The following DOCK1 variants were observed in gnomAD, a reference collection of about 807,000 sequenced individuals.
The protein encoded by DOCK1 is dedicator of cytokinesis protein 1.
DOCK1 carries 138 observed loss-of-function variants against 262.7 expected under a neutral mutation model. The observed-to-expected ratio is 0.53, with a 90% CI of 0.46 to 0.61. The LOEUF (loss-of-function observed/expected upper bound fraction) is 0.61. Among genes scored for constraint, DOCK1 ranks in the 20% least tolerant of loss-of-function variants. DOCK1 has a pLI of 0.00. For missense variants in DOCK1, 1,908 were observed against 2,370.7 expected (o/e 0.80, Z 4.05); for synonymous variants, 866 against 867.4 (o/e 1.00, Z 0.03).
intron 29 of DOCK1, among the ~76,000 whole-genome samples, chr10:127,325,403 CAATGTGAGCTTAT>C (rs2062710182): frequency 6.6e-6 from 1 of 152,148 alleles, no homozygotes; most frequent in Non-Finnish European, 1.5e-5. Context: ...GCACTCTATG[CAATGTGAGCTTAT>C]TTAATGGTTA....
At chr10:127,339,997 C>T (rs1191063545) in intron 30 of DOCK1, among the ~76,000 whole-genome samples, 3 of 152,136 alleles carry the variant, frequency 2.0e-5, no homozygotes, top group African/African-American at 7.2e-5. Context: ...GGTGATCCAA[C>T]CCCAAAATAA....
At chr10:126,959,724 T>G (rs896476472) in intron 1 of DOCK1, among the ~76,000 whole-genome samples, 249 of 152,342 alleles carry the variant, frequency 1.6e-3, no homozygotes, top group African/African-American at 5.8e-3. Flanking sequence ...GTGCTTTGTT[T>G]CTGGACATAG....
intron 1 of DOCK1, 47 bp from the exon 2 acceptor site, chr10:126,970,655 C>G (rs1351793444): frequency 2.0e-6 from 3 of 1,487,600 alleles, no homozygotes; most frequent in Non-Finnish European, 2.8e-6. Flanking sequence ...AGCATGGTCA[C>G]TTCTATCTTT....
chr10:127,011,703 A>G (rs1306013971), intron 11 of DOCK1, among the ~76,000 whole-genome samples: 2 of 149,948 alleles, frequency 1.3e-5, no homozygotes, highest in Admixed American at 6.7e-5. Context: ...TTCTTCTCAC[A>G]TGTAGTCACT....
intron 30 of DOCK1, among the ~76,000 whole-genome samples, chr10:127,339,475 A>G (rs918507027): frequency 3.9e-5 from 6 of 151,994 alleles, no homozygotes; most frequent in African/African-American, 1.4e-4. Flanking sequence ...TTGCTTTTAT[A>G]ACTCTGTGTT....
At chr10:127,251,464 C>T (rs61872142) in intron 28 of DOCK1, among the ~76,000 whole-genome samples, 49,904 of 150,532 alleles carry the variant, frequency 0.33, 9,552 homozygotes, top group South Asian at 0.57. Context: ...ATGTGCCATG[C>T]TGGTGTGCTG....
chr10:127,093,132 T>A lies in DOCK1; in HGVS notation c.2446-13099T>A, dbSNP rs536308813. Among the ~76,000 whole-genome samples the A allele has an allele frequency of 2.6e-5, 4 of 152,118 alleles. No homozygotes were observed. The South Asian group carries it at 8.3e-4, about 32-fold the overall frequency. On this transcript the variant is annotated intron_variant, in intron 23 of 51. Coordinates refer to ENST00000623213, the MANE Select transcript of DOCK1 (RefSeq NM_001290223.2). ...CGATGTGCTGTGGTTTGTGGCTACA[T>A]CATGCTCGTGTCTGCCTCTGCCTTC... is the stretch of plus-strand genomic sequence containing the variant.
At position 127,323,617 on chromosome 10, in the gene DOCK1, A is replaced by G. The variant is rs1431431828; in HGVS notation, c.3045-15389A>G. On this transcript the variant is annotated intron_variant, in intron 29 of 51. Transcript: ENST00000623213. ...GCTTCCCCAGACCACATGGCCACTGATCCGTGGGGTGCACAGAAGGACAGG... is the reference window on the plus strand; with the variant it reads ...GCTTCCCCAGACCACATGGCCACTGGTCCGTGGGGTGCACAGAAGGACAGG... 2.0e-5 allele frequency among the ~76,000 whole-genome samples: 3 copies of G among 152,266 alleles called. No homozygotes were observed. The East Asian group carries it at 5.8e-4, about 29-fold the overall frequency.
chr10:127,351,449 G>A (rs751888484), intron 31 of DOCK1, among the ~76,000 whole-genome samples: 1 of 152,190 alleles, frequency 6.6e-6, no homozygotes, highest in Admixed American at 6.5e-5. Flanking sequence ...AAGATGTGAC[G>A]CTGTGTCGTG....
At chr10:127,003,675 G>A (rs1339019528) in intron 10 of DOCK1, among the ~76,000 whole-genome samples, 1 of 152,194 alleles carries the variant, frequency 6.6e-6, no homozygotes, top group Non-Finnish European at 1.5e-5. Context: ...TTATAAGTAA[G>A]AAACTGGCTG....
At chr10:126,932,697 G>A (rs1201712060) in intron 1 of DOCK1, among the ~76,000 whole-genome samples, 1 of 152,234 alleles carries the variant, frequency 6.6e-6, no homozygotes, top group Non-Finnish European at 1.5e-5. Context: ...GTGGACCGTC[G>A]CTGAAGTACC....
chr10:127,435,889 C>T (rs909739663), intron 48 of DOCK1, among the ~76,000 whole-genome samples: 3 of 152,190 alleles, frequency 2.0e-5, no homozygotes, highest in African/African-American at 7.2e-5. Flanking sequence ...TAGGCAGTTG[C>T]TTCTCGTAAT....
chr10:127,175,725 A>C lies in DOCK1; in HGVS notation c.2847+47961A>C. The C allele has an allele frequency of 6.2e-7, 1 of 1,614,000 alleles. No individual in the cohort carries two copies. The highest frequency in any genetic ancestry group is 8.5e-7 in the Non-Finnish European group (1 of 1,179,996). Reference sequence around the variant, plus strand: ...CCGGTCCTGCTTGGCCCTCCCGAGCAGCTGGTAATCGGGCTCTTCGGATGG... The same window carrying C: ...CCGGTCCTGCTTGGCCCTCCCGAGCCGCTGGTAATCGGGCTCTTCGGATGG... On this transcript the variant is annotated intron_variant, in intron 27 of 51. Coordinates refer to ENST00000623213, the MANE Select transcript of DOCK1 (RefSeq NM_001290223.2). This position sits in a 1 kb window ranked among gnomAD's most constrained non-coding sequence, Gnocchi z 6.3.
intron 33 of DOCK1, among the ~76,000 whole-genome samples, chr10:127,365,773 C>A (rs1279468844): frequency 5.3e-5 from 8 of 152,120 alleles, no homozygotes; most frequent in African/African-American, 1.9e-4. Context: ...AAAAATCTTA[C>A]AACAATCTTC....
chr10:127,143,381 C>T (rs987744577), intron 27 of DOCK1, among the ~76,000 whole-genome samples: 15 of 152,252 alleles, frequency 9.9e-5, no homozygotes, highest in Non-Finnish European at 1.6e-4. Flanking sequence ...TCAGAGTCTT[C>T]CCCAGTGCTA....
rs1449194654 is a variant in DOCK1 at position 127,385,972 on chromosome 10, G to A, written c.3927+1063G>A. On this transcript the variant is annotated intron_variant, in intron 38 of 51. Transcript: ENST00000623213. ...TCCAAATACCCTGTTTCCAAATAAG[G>A]TCAGATTCAGAAATATCAGGGGTTA... Among the ~76,000 whole-genome samples the A allele has an allele frequency of 1.3e-4, 20 of 152,258 alleles. 1 individual carries two copies.
intron 29 of DOCK1, among the ~76,000 whole-genome samples, chr10:127,270,429 A>G (rs532838572): frequency 6.6e-6 from 1 of 152,034 alleles, no homozygotes; most frequent in East Asian, 1.9e-4. Context: ...ACAATTTCAC[A>G]TTCTTCCCAT....
intron 27 of DOCK1, among the ~76,000 whole-genome samples, chr10:127,216,311 A>T (rs928520210): frequency 0.025 from 7 of 282 alleles, no homozygotes; most frequent in Non-Finnish European, 0.038. Flanking sequence ...TAATTTAGTA[A>T]AAAAAAAAAA....
At chr10:127,328,804 T>A (rs1257227175) in intron 29 of DOCK1, among the ~76,000 whole-genome samples, 1 of 152,120 alleles carries the variant, frequency 6.6e-6, no homozygotes, top group Non-Finnish European at 1.5e-5. Flanking sequence ...TTTTGATTTA[T>A]TTTTTAATCA....
Sources: gnomAD v4.1 joint callset for allele counts (sites outside exome capture counted in the v4.1 genomes callset) on GRCh38, gnomAD v4.1.1 for gene constraint, Gnocchi (gnomAD v3.1) non-coding constraint, MANE v1.5 for transcripts, NCBI Gene and HGNC (gene_info 2026-07-23, HGNC 2026-07-21) for gene names.